The following CSMD1 variants were observed in gnomAD, a reference collection of about 807,000 sequenced individuals.
CSMD1 encodes the protein CUB and sushi domain-containing protein 1.
Under a neutral mutation model 417.5 loss-of-function variants are expected in CSMD1, and 213 were observed. The ratio of observed to expected loss-of-function variants is 0.51; its 90% CI spans 0.46 to 0.57. CSMD1 has a LOEUF of 0.57. Among genes scored for constraint, CSMD1 ranks in the 20% least tolerant of loss-of-function variants. The pLI is 0.00. For synonymous variants in CSMD1, 2,862 were observed against 1,736.8 expected, an observed-to-expected ratio of 1.65 and a Z score of -16.11; for missense variants, 6,923 against 4,529.7, an observed-to-expected ratio of 1.53 and a Z score of -15.17.
intron 48 of CSMD1, 90 bp from the exon 49 acceptor site, chr8:3,087,375 C>T: frequency 6.9e-6 from 9 of 1,310,564 alleles, no homozygotes; most frequent in Non-Finnish European, 9.7e-6. Context: ...AAATGAATGG[C>T]TTCTCATTTC....
intron 18 of CSMD1, among the ~76,000 whole-genome samples, chr8:3,369,803 TG>T (rs34476575): frequency 6.6e-6 from 1 of 152,210 alleles, no homozygotes; most frequent in African/African-American, 2.4e-5. Flanking sequence ...ATCATTTCAA[TG>T]GGAAAGTGGC....
At chr8:4,380,751 C>T (rs578226852) in intron 3 of CSMD1, among the ~76,000 whole-genome samples, 2 of 152,238 alleles carry the variant, frequency 1.3e-5, no homozygotes, top group African/African-American at 4.8e-5. Flanking sequence ...GTCCTCACGA[C>T]TTCTCTGTAA....
intron 2 of CSMD1, among the ~76,000 whole-genome samples, chr8:4,601,354 G>C (rs1021511337): frequency 6.6e-6 from 1 of 152,160 alleles, no homozygotes; most frequent in Non-Finnish European, 1.5e-5. Context: ...AGCTGTACCA[G>C]GGCCTCTCTG....
chr8:3,148,114 C>T (rs535808764), intron 40 of CSMD1, among the ~76,000 whole-genome samples: 1 of 152,094 alleles, frequency 6.6e-6, no homozygotes, highest in East Asian at 1.9e-4. Flanking sequence ...AGGAAATGTT[C>T]CAGAATCACT....
intron 3 of CSMD1, among the ~76,000 whole-genome samples, chr8:4,038,844 G>C (rs1458479795): frequency 3.3e-5 from 5 of 152,232 alleles, no homozygotes; most frequent in Middle Eastern, 6.8e-3. Flanking sequence ...AGCCAAATTT[G>C]TACATCAGGG....
chr8:3,746,167 G>C (rs902171915), intron 6 of CSMD1, among the ~76,000 whole-genome samples: 1 of 152,208 alleles, frequency 6.6e-6, no homozygotes, highest in African/African-American at 2.4e-5. Context: ...GCAGCTCAGG[G>C]CTGATACGCT....
intron 3 of CSMD1, among the ~76,000 whole-genome samples, chr8:4,077,455 C>A (rs1014706746): frequency 6.6e-6 from 1 of 151,488 alleles, no homozygotes; most frequent in Non-Finnish European, 1.5e-5. Context: ...CTATACATAT[C>A]ATTACTCTTA....
intron 1 of CSMD1, among the ~76,000 whole-genome samples, chr8:4,682,471 A>G (rs990713001): frequency 1.3e-5 from 2 of 152,178 alleles, no homozygotes; most frequent in Admixed American, 6.5e-5. Flanking sequence ...ATATTTCTAT[A>G]TGAAAAATAG....
intron 49 of CSMD1, among the ~76,000 whole-genome samples, chr8:3,065,407 T>C (rs914295824): frequency 1.3e-5 from 2 of 152,040 alleles, no homozygotes; most frequent in East Asian, 3.9e-4. Context: ...GATGGATAGA[T>C]TGCTAAATCA....
chr8:3,948,242 C>G (rs1811367884), intron 5 of CSMD1, among the ~76,000 whole-genome samples: 1 of 152,038 alleles, frequency 6.6e-6, no homozygotes, highest in Non-Finnish European at 1.5e-5. Context: ...ACAAGTGTCG[C>G]AGACATAGTA....
chr8:3,733,252 A>G (rs1170964981), intron 6 of CSMD1, among the ~76,000 whole-genome samples: 1 of 98,256 alleles, frequency 1.0e-5, no homozygotes. Context: ...ACATATTAAT[A>G]TATATACACA....
chr8:3,208,686 T>A (rs143753282), intron 30 of CSMD1, among the ~76,000 whole-genome samples: 2 of 152,300 alleles, frequency 1.3e-5, no homozygotes, highest in East Asian at 3.9e-4. Flanking sequence ...GTCAGTGGGC[T>A]GGGGAAGGCA....
chr8:2,985,407 G>A (rs983948579), intron 54 of CSMD1, among the ~76,000 whole-genome samples: 1 of 151,834 alleles, frequency 6.6e-6, no homozygotes, highest in Non-Finnish European at 1.5e-5. Flanking sequence ...GCTTCACCAC[G>A]TGAGGGAGGA....
intron 1 of CSMD1, among the ~76,000 whole-genome samples, chr8:4,917,478 C>CA (rs1806142975): frequency 6.6e-6 from 1 of 151,900 alleles, no homozygotes; most frequent in Admixed American, 6.6e-5. Context: ...ACTAAAAATA[C>CA]AAAAAATTAG....
intron 5 of CSMD1, among the ~76,000 whole-genome samples, chr8:3,912,030 T>C (rs947503622): frequency 6.6e-6 from 1 of 152,182 alleles, no homozygotes; most frequent in African/African-American, 2.4e-5. Context: ...TAGACACATA[T>C]GGAGTATATT....
intron 9 of CSMD1, among the ~76,000 whole-genome samples, chr8:3,584,606 G>C (rs941160773): frequency 2.6e-5 from 4 of 152,058 alleles, no homozygotes; most frequent in Admixed American, 1.3e-4. Flanking sequence ...TCAGGGCCAA[G>C]AAAGGCAATG....
chr8:2,995,023 C>T (rs1192812376), intron 54 of CSMD1, among the ~76,000 whole-genome samples: 2 of 152,106 alleles, frequency 1.3e-5, no homozygotes, highest in Non-Finnish European at 2.9e-5. Flanking sequence ...GACTTGACAT[C>T]AATACCATGA....
At position 3,483,942 on chromosome 8, in the gene CSMD1, T is replaced by C. The variant is rs150224679; in HGVS notation, c.1448+9681A>G. Reference sequence around the variant, plus strand: ...AACATTTGACGATTCACAGGACACATAGTGTTCATGAGCTGAAAGATTTAA... The same window carrying C: ...AACATTTGACGATTCACAGGACACACAGTGTTCATGAGCTGAAAGATTTAA... On this transcript the variant is annotated intron_variant, in intron 11 of 69. Coordinates refer to ENST00000635120, the MANE Select transcript of CSMD1 (RefSeq NM_033225.6). 7.3e-4 allele frequency among the ~76,000 whole-genome samples: 111 copies of C among 152,342 alleles called. 1 individual carries two copies. Among genetic ancestry groups the C allele is most frequent in the Middle Eastern group, 6.8e-3 (2 of 292 alleles).
chr8:4,037,689 G>C lies in CSMD1; in HGVS notation c.416-5590C>G, dbSNP rs551380268. 4.6e-5 allele frequency among the ~76,000 whole-genome samples: 7 copies of C among 152,238 alleles called. No homozygotes were observed. In the East Asian group the frequency reaches 1.2e-3, roughly 25 times the overall value. On this transcript the variant is annotated intron_variant, in intron 3 of 69. Coordinates refer to ENST00000635120, the MANE Select transcript of CSMD1 (RefSeq NM_033225.6). ...CAGTATTGATTTTAAAGGGGAAGGTGTGAAGATTGAATGAGATAACAGGTC... is the reference window on the plus strand; with the variant it reads ...CAGTATTGATTTTAAAGGGGAAGGTCTGAAGATTGAATGAGATAACAGGTC...
Sources: allele counts gnomAD v4.1 joint callset (sites outside exome capture counted in the v4.1 genomes callset), GRCh38; gene constraint gnomAD v4.1.1; transcripts MANE v1.5; gene names NCBI Gene and HGNC (gene_info 2026-07-23, HGNC 2026-07-21).